Variants in TMCO4 observed in about 807,000 individuals in gnomAD.
TMCO4 encodes transmembrane and coiled-coil domains 4.
Under a neutral mutation model 64.7 loss-of-function variants are expected in TMCO4, and 58 were observed. The ratio of observed to expected loss-of-function variants is 0.90; its 90% CI spans 0.73 to 1.12. The LOEUF (loss-of-function observed/expected upper bound fraction) is 1.12. TMCO4 is among the 50% of genes most tolerant of loss of function. The probability of loss-of-function intolerance (pLI) is 0.00; values close to 1 mark genes in which losing one functional copy is unlikely to be tolerated. For missense variants in TMCO4, 780 were observed against 825.9 expected (o/e 0.94, Z 0.68); for synonymous variants, 325 against 346.1 (o/e 0.94, Z 0.68).
chr1:19,770,249 C>T (rs1375551600), intron 6 of TMCO4, among the ~76,000 whole-genome samples: 1 of 152,194 alleles, frequency 6.6e-6, no homozygotes, highest in Non-Finnish European at 1.5e-5. Context: ...GCGACAGTGG[C>T]TTAGACCAGG....
intron 13 of TMCO4, among the ~76,000 whole-genome samples, chr1:19,718,421 G>A (rs867760871): frequency 6.6e-6 from 1 of 151,886 alleles, no homozygotes; most frequent in Non-Finnish European, 1.5e-5. Flanking sequence ...GGGAGGTCGA[G>A]GTGGGAGGAT....
At chr1:19,694,621 G>T in intron 14 of TMCO4, 70 bp from the exon 15 acceptor site, 1 of 1,456,120 alleles carries the variant, frequency 6.9e-7, no homozygotes, top group Non-Finnish European at 9.5e-7. Flanking sequence ...GGACGGGCCA[G>T]GCTGCCTCCT....
Position 19,743,935 on chromosome 1 carries a change from G to A in TMCO4, c.877+1597C>T, listed in dbSNP as rs1409173226. Among the ~76,000 whole-genome samples, 1 of 152,232 alleles carries A rather than the reference G, an allele frequency of 6.6e-6. No individual in the cohort carries two copies. Among genetic ancestry groups the A allele is most frequent in the Non-Finnish European group, 1.5e-5 (1 of 68,046 alleles). ...TATGCTGGTAAAATGCCAGACTCAA[G>A]GTAGGTGTGAACGAGGCGCTCACTG... On this transcript the variant is annotated intron_variant, in intron 10 of 15. Coordinates refer to ENST00000294543, the MANE Select transcript of TMCO4 (RefSeq NM_181719.7). The surrounding 1 kb of genome is among the most constrained non-coding windows in gnomAD (Gnocchi z 4.1).
intron 13 of TMCO4, among the ~76,000 whole-genome samples, chr1:19,709,889 C>T (rs563951232): frequency 3.3e-5 from 5 of 150,756 alleles, no homozygotes; most frequent in East Asian, 1.9e-4. Flanking sequence ...CCTGGGTTCA[C>T]GTGATTCTCC....
At chr1:19,749,565 G>T (rs1163953016) in intron 7 of TMCO4, among the ~76,000 whole-genome samples, 1 of 152,026 alleles carries the variant, frequency 6.6e-6, no homozygotes, top group Non-Finnish European at 1.5e-5. Context: ...ATGGGGTTTT[G>T]CCACGTTGCC....
intron 6 of TMCO4, among the ~76,000 whole-genome samples, chr1:19,756,952 T>G (rs568578676): frequency 1.3e-3 from 195 of 152,176 alleles, no homozygotes; most frequent in African/African-American, 4.3e-3. Flanking sequence ...GACTTGATAA[T>G]ACGTCATGGG....
intron 6 of TMCO4, among the ~76,000 whole-genome samples, chr1:19,759,413 G>A (rs147159169): frequency 1.6e-4 from 24 of 152,290 alleles, no homozygotes; most frequent in Admixed American, 3.3e-4. Context: ...ATCCGGTCAT[G>A]TTCTCTCCCT....
intron 6 of TMCO4, among the ~76,000 whole-genome samples, chr1:19,761,037 C>T (rs2042479784): frequency 6.6e-6 from 1 of 152,242 alleles, no homozygotes; most frequent in South Asian, 2.1e-4. Flanking sequence ...CTGCACTACA[C>T]TCTCTGCACG....
chr1:19,799,508 A>G (rs989705210), intron 1 of TMCO4, among the ~76,000 whole-genome samples: 1 of 152,194 alleles, frequency 6.6e-6, no homozygotes, highest in Non-Finnish European at 1.5e-5. Context: ...TCATTTGTCA[A>G]GGGAGCGGCT....
chr1:19,724,089 C>T (rs1175529618), intron 13 of TMCO4, among the ~76,000 whole-genome samples: 1 of 152,176 alleles, frequency 6.6e-6, no homozygotes, highest in Non-Finnish European at 1.5e-5. Flanking sequence ...GCTGGTCGGC[C>T]TTTAGTTTAG....
intron 7 of TMCO4, among the ~76,000 whole-genome samples, chr1:19,749,911 A>G (rs528286628): frequency 5.8e-4 from 87 of 149,126 alleles, no homozygotes; most frequent in African/African-American, 1.9e-3. Flanking sequence ...AACCTAGCCT[A>G]TCCCCACAGT....
At chr1:19,773,755 T>C (rs561276697) in intron 4 of TMCO4, among the ~76,000 whole-genome samples, 23 of 152,174 alleles carry the variant, frequency 1.5e-4, no homozygotes, top group African/African-American at 5.1e-4. Context: ...ATGATAAATA[T>C]AAAGGGCCGA....
rs528238506 is a variant in TMCO4 at position 19,763,969 on chromosome 1, C to T, written c.382+6573G>A. 3.0e-3 allele frequency among the ~76,000 whole-genome samples: 453 copies of T among 152,202 alleles called. 1 individual carries two copies. Among genetic ancestry groups the T allele is most frequent in the African/African-American group, 0.01 (425 of 41,532 alleles). The stretch of plus-strand genomic sequence containing the variant: ...TGCCTTTTGTCCTCATGGCTTAGGA[C>T]GATTAAGGGCATTAAGGCAGTGACA... On this transcript the variant is annotated intron_variant, in intron 6 of 15. Coordinates refer to ENST00000294543, the MANE Select transcript of TMCO4 (RefSeq NM_181719.7).
intron 15 of TMCO4, among the ~76,000 whole-genome samples, chr1:19,685,492 G>A (rs904530806): frequency 5.9e-5 from 9 of 152,322 alleles, no homozygotes; most frequent in Admixed American, 4.6e-4. Context: ...AAGTAGGGGT[G>A]TGATTGAAAT....
At position 19,732,449 on chromosome 1, in the gene TMCO4, A is replaced by AG. The variant is rs2100797316; in HGVS notation, c.1264+4922dup. Among the ~76,000 whole-genome samples, 1 of 152,300 alleles carries AG rather than the reference A, an allele frequency of 6.6e-6. No individual in the cohort carries two copies. The highest frequency in any genetic ancestry group is 1.9e-4 in the East Asian group (1 of 5,172). On this transcript the variant is annotated intron_variant, in intron 13 of 15. Transcript: ENST00000294543. This position sits in a 1 kb window ranked among gnomAD's most constrained non-coding sequence, Gnocchi z 4.8. ...CCAAAGTGTTGGGATTACAGGCATG[A>AG]GCCACTGGACCTGGCCTCAGTGTGT...
At position 19,683,049 on chromosome 1, in the gene TMCO4, C is replaced by A. The variant is rs1420293256; in HGVS notation, c.1896G>T (p.Gly632=). Residue 632 remains glycine (G), a synonymous_variant, in exon 16 of 16, where the codon GGG becomes GGT. Transcript: ENST00000294543. ...AGGTCCCCTGCTGTGGTCAGTCCAG[C>A]CCCGTGCTGGGGCCCTGGGTCTTGC... The part of the protein sequence containing the change: ...CACKTQGPST[G]LD 3.2e-6 allele frequency: 5 copies of A among 1,586,484 alleles called. No individual in the cohort carries two copies. In the East Asian group the frequency reaches 6.7e-5, roughly 21 times the overall value.
intron 6 of TMCO4, among the ~76,000 whole-genome samples, chr1:19,762,603 C>T (rs532643915): frequency 1.3e-5 from 2 of 152,364 alleles, no homozygotes; most frequent in South Asian, 2.1e-4. Flanking sequence ...ACTTCATTAT[C>T]GAACACTCTT....
In TMCO4 at chr1:19,737,741, G is replaced by A. The variant is rs370317052; in HGVS notation, c.1180-285C>T. On this transcript the variant is annotated intron_variant, in intron 12 of 15. Transcript: ENST00000294543. ...CATCTCAAATCATTATCCAGCCACC[G>A]TCTCATCTTCCCCAGGAGACAGGGC... Among the ~76,000 whole-genome samples, 12 of 152,352 alleles carry A rather than the reference G, an allele frequency of 7.9e-5. No homozygotes were observed. The South Asian group carries it at 2.5e-3, about 32-fold the overall frequency.
chr1:19,749,524 C>T (rs183316020), intron 7 of TMCO4, among the ~76,000 whole-genome samples: 8 of 152,206 alleles, frequency 5.3e-5, no homozygotes, highest in South Asian at 2.1e-4. Context: ...TGCACCACCA[C>T]GCTTGGGTAA....
Sources: allele counts gnomAD v4.1 joint callset (sites outside exome capture counted in the v4.1 genomes callset), GRCh38; gene constraint gnomAD v4.1.1; non-coding constraint Gnocchi (gnomAD v3.1); transcripts MANE v1.5; gene names NCBI Gene and HGNC (gene_info 2026-07-23, HGNC 2026-07-21).